Variants in SH3TC1 observed in about 807,000 individuals in gnomAD.
SH3TC1 encodes the protein SH3 domain and tetratricopeptide repeat-containing protein 1.
A neutral mutation model predicts 117.3 loss-of-function variants in SH3TC1; 135 were observed. The observed-to-expected ratio is 1.15, with a 90% confidence interval of 1.00 to 1.33. The LOEUF is 1.33. Among genes scored for constraint, SH3TC1 ranks in the 40% most tolerant of loss-of-function variants. The probability of loss-of-function intolerance (pLI) is 0.00; values close to 1 mark genes in which losing one functional copy is unlikely to be tolerated. For synonymous variants in SH3TC1, 898 were observed against 816.9 expected, an observed-to-expected ratio of 1.10 and a Z score of -1.69; for missense variants, 2,092 against 1,794.3, an observed-to-expected ratio of 1.17 and a Z score of -3.00.
At position 8,241,018 on chromosome 4, in the gene SH3TC1, C is replaced by T. The variant is rs111652802; in HGVS notation, c.*63C>T. On this transcript the variant is annotated 3_prime_UTR_variant, in exon 18 of 18. Coordinates refer to ENST00000245105, the MANE Select transcript of SH3TC1 (RefSeq NM_018986.5). ...GGGGGTCTCCTGCCTCTCCTGGTGTCGCCGGTGGCTCATTTTCTGGCAAAT... is the reference window on the plus strand; with the variant it reads ...GGGGGTCTCCTGCCTCTCCTGGTGTTGCCGGTGGCTCATTTTCTGGCAAAT... The T allele has an allele frequency of 1.2e-5, 19 of 1,569,386 alleles. No individual in the cohort carries two copies. The highest frequency in any genetic ancestry group is 6.8e-5 in the East Asian group (3 of 44,278).
Position 8,218,304 on chromosome 4 carries a change from C to T in SH3TC1, c.873C>T (p.Asp291=), listed in dbSNP as rs151285463. The change falls in exon 8 of 18, where the codon GAC becomes GAT. Residue 291 remains aspartate (D), a synonymous_variant. Transcript: ENST00000245105. ...TTAGGATCCCCCAGGACCCCATCGA[C>T]GATGCCATGGGTGGCCCTGTGATGC... ...WALRIPQDPI[D]DAMGGPVMPG... 8.5e-5 allele frequency: 137 copies of T among 1,612,266 alleles called. No homozygotes were observed. The highest frequency in any genetic ancestry group is 9.1e-5 in the Non-Finnish European group (107 of 1,178,626).
chr4:8,205,674 A>G lies in SH3TC1; in HGVS notation c.172+308A>G, dbSNP rs772072701. The G allele has an allele frequency of 4.2e-5, 32 of 753,420 alleles. No homozygotes were observed. Among genetic ancestry groups the G allele is most frequent in the Non-Finnish European group, 6.8e-5 (28 of 412,034 alleles). The allele number at this position is 753,420 out of a possible 1,614,324, so 46.7% of individuals were successfully genotyped here. A position where few individuals can be genotyped will look rare whatever the true frequency, so the allele number is the denominator to read the frequency against. On this transcript the variant is annotated intron_variant, in intron 2 of 17. Transcript: ENST00000245105. The surrounding 1 kb of genome is among the most constrained non-coding windows in gnomAD (Gnocchi z 5.4). The stretch of plus-strand genomic sequence containing the variant: ...CCCATGTTCAGAGACCGTTCCAGAA[A>G]CAGTCCGATGGGTTTGGCCTTGGAA...
upstream of SH3TC1, among the ~76,000 whole-genome samples, chr4:8,194,512 C>T (rs1211423919): frequency 2.6e-5 from 4 of 152,182 alleles, no homozygotes; most frequent in Non-Finnish European, 5.9e-5. Context: ...CAGGGAAAGC[C>T]TCTGGTCAGG....
Position 8,214,593 on chromosome 4 carries a change from C to T in SH3TC1, c.481+13C>T, listed in dbSNP as rs781107194. ...TACCATGCTCTCGGTAAAGAGGTGA[C>T]CCTCCCAGAATTGGTCATGGGGACG... On this transcript the variant is annotated intron_variant, in intron 5 of 17. Transcript: ENST00000245105. 27 of 1,610,834 alleles carry T rather than the reference C, an allele frequency of 1.7e-5. No individual in the cohort carries two copies. The East Asian group carries it at 5.6e-4, about 33-fold the overall frequency.
chr4:8,237,884 G>A (rs1721967710), intron 17 of SH3TC1, among the ~76,000 whole-genome samples: 1 of 152,178 alleles, frequency 6.6e-6, no homozygotes, highest in Admixed American at 6.5e-5. Context: ...GCCTCAGCCA[G>A]GGAGGCTGAT....
At chr4:8,224,034 C>T (rs535794578) in intron 10 of SH3TC1, among the ~76,000 whole-genome samples, 173 of 116,946 alleles carry the variant, frequency 1.5e-3, no homozygotes, top group African/African-American at 5.9e-3. Context: ...CACACATGCA[C>T]TCACAAGTAT....
intron 10 of SH3TC1, among the ~76,000 whole-genome samples, chr4:8,223,773 C>T (rs1252885495): frequency 1.3e-5 from 2 of 152,076 alleles, no homozygotes; most frequent in African/African-American, 4.8e-5. Context: ...GCTGGAACTA[C>T]AGGCACGCGC....
intron 17 of SH3TC1, among the ~76,000 whole-genome samples, chr4:8,239,215 CATGCAA>C (rs1722091979): frequency 6.7e-6 from 1 of 149,098 alleles, no homozygotes. Flanking sequence ...ACTACAGGCA[CATGCAA>C]ATGCACATGC....
intron 16 of SH3TC1, 46 bp downstream of exon 16, chr4:8,236,474 G>A: frequency 7.0e-7 from 1 of 1,422,972 alleles, no homozygotes; most frequent in Non-Finnish European, 9.2e-7. Context: ...CACTTTGCCA[G>A]AGCTCAGCCT....
At chr4:8,215,937 C>CCA (rs1554134025) in intron 5 of SH3TC1, among the ~76,000 whole-genome samples, 174 bp from the exon 6 acceptor site, 4 of 151,956 alleles carry the variant, frequency 2.6e-5, no homozygotes, top group Middle Eastern at 3.4e-3. Flanking sequence ...GGTGGTCAGG[C>CCA]CGTGGGCTGC....
intron 7 of SH3TC1, 124 bp downstream of exon 7, chr4:8,217,291 C>A: frequency 1.7e-6 from 2 of 1,176,494 alleles, no homozygotes; most frequent in Non-Finnish European, 2.4e-6. Flanking sequence ...CTGGCCATGG[C>A]CTTGTTCTGC....
At chr4:8,221,611 C>T (rs1369384120) in intron 9 of SH3TC1, among the ~76,000 whole-genome samples, 1 of 152,198 alleles carries the variant, frequency 6.6e-6, no homozygotes, top group African/African-American at 2.4e-5. Flanking sequence ...TTTTTCTAAA[C>T]ACTTTGAGAG....
At chr4:8,237,256 C>T (rs1302619926) in intron 16 of SH3TC1, 7 of 473,644 alleles carry the variant, frequency 1.5e-5, no homozygotes, top group Non-Finnish European at 2.2e-5. Context: ...AGAGCTGGGC[C>T]ATCCAAGTCC....
At position 8,186,055 on chromosome 4, in the gene SH3TC1, G is replaced by A. The variant is rs193147138; in HGVS notation, c.-57+3845G>A. Among the ~76,000 whole-genome samples the A allele has an allele frequency of 1.5e-4, 23 of 152,344 alleles. No individual in the cohort carries two copies. The highest frequency in any genetic ancestry group is 6.5e-4 in the Admixed American group (10 of 15,308). ...TCCTACATTTTACGGTGATAGGCAG[G>A]AGCTGTCCGCGCGGGCCCCTCGCTG... On this transcript the variant is annotated intron_variant, in intron 1 of 16. Transcript: ENST00000508641. The surrounding 1 kb of genome is among the most constrained non-coding windows in gnomAD (Gnocchi z 5.2).
At position 8,205,403 on chromosome 4, in the gene SH3TC1, C is replaced by A; in HGVS notation, c.172+37C>A. The A allele has an allele frequency of 6.6e-7, 1 of 1,521,848 alleles. No homozygotes were observed. Among genetic ancestry groups the A allele is most frequent in the Non-Finnish European group, 8.8e-7 (1 of 1,131,666 alleles). The allele number at this position is 1,521,848 out of a possible 1,614,324, so 94.3% of individuals were successfully genotyped here. A position where few individuals can be genotyped will look rare whatever the true frequency, so the allele number is the denominator to read the frequency against. The stretch of plus-strand genomic sequence containing the variant: ...CCACCCTCACCACCCGCCCTCCATC[C>A]CACCCACTTCTCCACCCCACCCGCC... On this transcript the variant is annotated intron_variant, in intron 2 of 17. Coordinates refer to ENST00000245105, the MANE Select transcript of SH3TC1 (RefSeq NM_018986.5). The surrounding 1 kb of genome is among the most constrained non-coding windows in gnomAD (Gnocchi z 5.4).
chr4:8,236,580 G>A (rs1224290783), intron 16 of SH3TC1, 152 bp downstream of exon 16: 23 of 1,059,850 alleles, frequency 2.2e-5, no homozygotes, highest in Middle Eastern at 3.2e-4. Context: ...CCGTCCGGCC[G>A]TGGGGCACAG....
chr4:8,234,575 CCA>C (rs1163776537), intron 14 of SH3TC1, among the ~76,000 whole-genome samples: 1 of 76,774 alleles, frequency 1.3e-5, no homozygotes, highest in Admixed American at 1.3e-4. Context: ...ATTTATCCAT[CCA>C]TCCACCCATC....
At position 8,226,973 on chromosome 4, in the gene SH3TC1, C is replaced by CT; in HGVS notation, c.1286-5dup. The CT allele has an allele frequency of 6.6e-7, 1 of 1,526,046 alleles. No homozygotes were observed. Among genetic ancestry groups the CT allele is most frequent in the Non-Finnish European group, 8.8e-7 (1 of 1,135,674 alleles). 94.5% of individuals were successfully genotyped at this position (1,526,046 alleles called of 1,614,324 possible). A position where few individuals can be genotyped will look rare whatever the true frequency, so the allele number is the denominator to read the frequency against. On this transcript the variant is annotated splice_polypyrimidine_tract_variant and splice_region_variant and intron_variant, in intron 11 of 17. Coordinates refer to ENST00000245105, the MANE Select transcript of SH3TC1 (RefSeq NM_018986.5). Reference sequence around the variant, plus strand: ...CTAATCTGTCTAGGTGTTTTTGTGACTTGCAGAAATACCTCCACCTTGCCT... The same window carrying CT: ...CTAATCTGTCTAGGTGTTTTTGTGACTTTGCAGAAATACCTCCACCTTGCCT...
Position 8,233,390 on chromosome 4 carries a change from C to A in SH3TC1, c.3159C>A (p.Thr1053=), listed in dbSNP as rs1484389147. Residue 1053 remains threonine (T), a synonymous_variant, in exon 14 of 18, where the codon ACC becomes ACA. Transcript: ENST00000245105. ...CCTACAAATCCGCACTGGACTACAC[C>A]AAACGAAGTCTGGGGATTTTCATTG... ...ERAYKSALDY[T]KRSLGIFIDL... 3.1e-6 allele frequency: 5 copies of A among 1,613,354 alleles called. No individual in the cohort carries two copies. Among genetic ancestry groups the A allele is most frequent in the Non-Finnish European group, 4.2e-6 (5 of 1,179,676 alleles).
Sources: gnomAD v4.1 joint callset for allele counts (sites outside exome capture counted in the v4.1 genomes callset) on GRCh38, gnomAD v4.1.1 for gene constraint, Gnocchi (gnomAD v3.1) non-coding constraint, MANE v1.5 for transcripts, NCBI Gene and HGNC (gene_info 2026-07-23, HGNC 2026-07-21) for gene names.